Variants in MACROD2 observed in about 807,000 individuals in gnomAD.
MACROD2 encodes the protein ADP-ribose glycohydrolase MACROD2.
MACROD2 carries 36 observed loss-of-function variants against 70.4 expected under a neutral mutation model. The ratio of observed to expected loss-of-function variants is 0.51; its 90% confidence interval spans 0.39 to 0.68. MACROD2 has a LOEUF of 0.68. Among genes scored for constraint, MACROD2 ranks in the 30% least tolerant of loss-of-function variants. The pLI is 0.00. For missense variants in MACROD2, 496 were observed against 538.4 expected, an observed-to-expected ratio of 0.92 and a Z score of 0.78; for synonymous variants, 172 against 178.8, an observed-to-expected ratio of 0.96 and a Z score of 0.30.
At chr20:15,753,382 C>T (rs1276278433) in intron 8 of MACROD2, among the ~76,000 whole-genome samples, 4 of 152,160 alleles carry the variant, frequency 2.6e-5, no homozygotes, top group Admixed American at 6.6e-5. Flanking sequence ...GTTTTCTATT[C>T]CTGTGTTAAT....
chr20:15,837,726 C>G (rs569277154), intron 8 of MACROD2, among the ~76,000 whole-genome samples: 1 of 152,292 alleles, frequency 6.6e-6, no homozygotes, highest in South Asian at 2.1e-4. Context: ...TGAGCTGCTT[C>G]TGACCACAGA....
chr20:14,831,625 C>T (rs917802320), intron 5 of MACROD2, among the ~76,000 whole-genome samples: 3 of 151,298 alleles, frequency 2.0e-5, no homozygotes, highest in Admixed American at 6.6e-5. Context: ...CTAAAAAATA[C>T]AAACAATAGC....
intron 7 of MACROD2, among the ~76,000 whole-genome samples, chr20:15,442,914 G>A (rs1274415233): frequency 6.6e-6 from 1 of 152,064 alleles, no homozygotes; most frequent in East Asian, 1.9e-4. Context: ...TTGAAAGTAT[G>A]AAATTTTTAA....
chr20:15,370,595 A>G (rs1453361873), intron 6 of MACROD2, among the ~76,000 whole-genome samples: 1 of 152,140 alleles, frequency 6.6e-6, no homozygotes, highest in East Asian at 1.9e-4. Context: ...CCAAAAAAAT[A>G]CGGTTGATGC....
intron 8 of MACROD2, among the ~76,000 whole-genome samples, chr20:15,845,196 A>G (rs1405351420): frequency 6.6e-6 from 1 of 152,168 alleles, no homozygotes; most frequent in Admixed American, 6.6e-5. Context: ...GTCACGCTGG[A>G]TTAAGGTAGA....
At chr20:14,118,082 T>G (rs1002708896) in intron 3 of MACROD2, among the ~76,000 whole-genome samples, 4 of 152,198 alleles carry the variant, frequency 2.6e-5, no homozygotes, top group Non-Finnish European at 5.9e-5. Flanking sequence ...AATAAATGAA[T>G]ATTGTTTTAA....
intron 8 of MACROD2, among the ~76,000 whole-genome samples, chr20:15,603,469 C>A (rs1347908216): frequency 6.9e-6 from 1 of 144,912 alleles, no homozygotes; most frequent in Non-Finnish European, 1.5e-5. Flanking sequence ...GATTGTGCCA[C>A]TTCACTCTAG....
At chr20:14,699,151 A>G (rs906856121) in intron 5 of MACROD2, among the ~76,000 whole-genome samples, 2 of 152,172 alleles carry the variant, frequency 1.3e-5, no homozygotes, top group African/African-American at 4.8e-5. Context: ...TGAAAAGCTC[A>G]TGAATTGATA....
intron 13 of MACROD2, among the ~76,000 whole-genome samples, chr20:15,974,893 G>A (rs1411145880): frequency 6.6e-6 from 1 of 152,004 alleles, no homozygotes; most frequent in Non-Finnish European, 1.5e-5. Flanking sequence ...TCAGTATATT[G>A]CATAAAAGAG....
intron 3 of MACROD2, among the ~76,000 whole-genome samples, chr20:14,197,072 A>G (rs891861541): frequency 3.3e-5 from 5 of 152,248 alleles, no homozygotes; most frequent in African/African-American, 1.2e-4. Context: ...CATATAGTTA[A>G]GTCCAGGCCA....
intron 8 of MACROD2, among the ~76,000 whole-genome samples, chr20:15,533,908 G>A (rs2047838983): frequency 6.6e-6 from 1 of 152,136 alleles, no homozygotes; most frequent in Admixed American, 6.5e-5. Flanking sequence ...TGATGGGAGA[G>A]CCAGGGAAGT....
intron 6 of MACROD2, among the ~76,000 whole-genome samples, chr20:15,313,448 A>C (rs1195703220): frequency 6.7e-6 from 1 of 148,830 alleles, no homozygotes; most frequent in African/African-American, 2.5e-5. Flanking sequence ...CGGATCTTGC[A>C]GTGAGCCAAG....
chr20:14,880,221 G>A (rs1339211348), intron 5 of MACROD2, among the ~76,000 whole-genome samples: 1 of 152,166 alleles, frequency 6.6e-6, no homozygotes, highest in Non-Finnish European at 1.5e-5. Context: ...CCACAGTTTT[G>A]GGGAGAGGGA....
intron 8 of MACROD2, among the ~76,000 whole-genome samples, chr20:15,518,536 T>A (rs1048605045): frequency 2.0e-5 from 3 of 152,180 alleles, no homozygotes; most frequent in Non-Finnish European, 4.4e-5. Flanking sequence ...CCTCCATCTC[T>A]TTTTGCTTTC....
At chr20:15,117,072 A>G (rs1486643750) in intron 5 of MACROD2, among the ~76,000 whole-genome samples, 1 of 152,204 alleles carries the variant, frequency 6.6e-6, no homozygotes, top group Non-Finnish European at 1.5e-5. Context: ...ACCATGCTAA[A>G]ACTGTCTTGA....
At chr20:14,172,736 G>A (rs764928901) in intron 3 of MACROD2, among the ~76,000 whole-genome samples, 6 of 151,928 alleles carry the variant, frequency 3.9e-5, no homozygotes, top group Non-Finnish European at 8.8e-5. Context: ...TTGTGTTTTC[G>A]TCTTATAGGT....
chr20:15,374,566 T>C (rs2045537227), intron 6 of MACROD2, among the ~76,000 whole-genome samples: 1 of 152,164 alleles, frequency 6.6e-6, no homozygotes, highest in East Asian at 1.9e-4. Context: ...CCTGAGTCTA[T>C]GTATTTTTTT....
chr20:15,465,782 C>A (rs1376501871), intron 7 of MACROD2, among the ~76,000 whole-genome samples: 1 of 152,178 alleles, frequency 6.6e-6, no homozygotes, highest in Non-Finnish European at 1.5e-5. Context: ...ATCACTGTAC[C>A]CACAAGTGCT....
chr20:14,234,750 T>C (rs1449939799), intron 3 of MACROD2, among the ~76,000 whole-genome samples: 3 of 152,102 alleles, frequency 2.0e-5, no homozygotes, highest in African/African-American at 7.2e-5. Flanking sequence ...TACAGACTTT[T>C]GAACCTTAGA....
Sources: allele counts gnomAD v4.1 joint callset (sites outside exome capture counted in the v4.1 genomes callset), GRCh38; gene constraint gnomAD v4.1.1; transcripts MANE v1.5; gene names NCBI Gene and HGNC (gene_info 2026-07-23, HGNC 2026-07-21).